Variants in KLHL25 observed in about 807,000 individuals in gnomAD.
KLHL25 encodes the protein kelch like family member 25.
KLHL25 carries 41 observed loss-of-function variants against 30.0 expected under a neutral mutation model. The observed-to-expected ratio is 1.37, with a 90% CI of 1.07 to 1.78. The LOEUF (loss-of-function observed/expected upper bound fraction) is 1.78. Among genes scored for constraint, KLHL25 ranks in the 40% most tolerant of loss-of-function variants. The pLI is 0.00. For missense variants in KLHL25, 971 were observed against 824.5 expected, an observed-to-expected ratio of 1.18 and a Z score of -2.18; for synonymous variants, 399 against 355.3, an observed-to-expected ratio of 1.12 and a Z score of -1.38.
intron 1 of KLHL25, among the ~76,000 whole-genome samples, chr15:85,776,187 G>A (rs11631377): frequency 0.15 from 19,272 of 131,990 alleles, 1,839 homozygotes; most frequent in Middle Eastern, 0.26. Flanking sequence ...AAAAAAAAAA[G>A]AAAGAAAGAA....
Position 85,768,969 on chromosome 15 carries a change from C to T in KLHL25, c.842G>A (p.Gly281Asp), listed in dbSNP as rs1267990945. 6.2e-7 allele frequency: 1 copy of T among 1,613,112 alleles called. No homozygotes were observed. The change falls in exon 2 of 3, where the codon GGC (glycine) becomes GAC (aspartate). Residue 281 changes from glycine to aspartate, a missense_variant. Coordinates refer to ENST00000337975, the MANE Select transcript of KLHL25 (RefSeq NM_022480.4). ...RCKTRILQND[G>D]VVTSPCARPR... ...CCGGGCACAGGGGCTGGTGACCACG[C>T]CATCATTCTGCAGGATCCTGGTCTT...
chr15:85,761,083 A>G (rs1202393090), intron 2 of KLHL25, 72 bp from the exon 3 acceptor site: 1 of 152,300 alleles, frequency 6.6e-6, no homozygotes, highest in African/African-American at 2.4e-5. Flanking sequence ...ATCTGGAACA[A>G]AATGACAATG....
At chr15:85,785,227 G>A (rs1055138936) in intron 1 of KLHL25, among the ~76,000 whole-genome samples, 1 of 151,332 alleles carries the variant, frequency 6.6e-6, no homozygotes, top group African/African-American at 2.4e-5. Flanking sequence ...CTGAGTAGCT[G>A]GAACTACAGG....
intron 1 of KLHL25, among the ~76,000 whole-genome samples, chr15:85,779,937 T>C (rs1047621792): frequency 2.2e-4 from 33 of 152,210 alleles, no homozygotes; most frequent in Non-Finnish European, 8.8e-5. Flanking sequence ...TTGAGATAAA[T>C]CCTTTTGAGA....
At chr15:85,784,831 AC>A (rs1286566419) in intron 1 of KLHL25, among the ~76,000 whole-genome samples, 8 of 152,154 alleles carry the variant, frequency 5.3e-5, no homozygotes, top group Non-Finnish European at 1.2e-4. Context: ...TAAGTAGAGA[AC>A]CCAGTCAGGC....
At chr15:85,794,334 G>C (rs1469311393) in intron 1 of KLHL25, among the ~76,000 whole-genome samples, 2 of 152,222 alleles carry the variant, frequency 1.3e-5, no homozygotes, top group African/African-American at 4.8e-5. Context: ...CAGGCAGGCA[G>C]CCATCCGGCC....
Position 85,789,204 on chromosome 15 carries a change from C to T in KLHL25, c.-11+5562G>A, listed in dbSNP as rs1475870121. 2.6e-5 allele frequency among the ~76,000 whole-genome samples: 4 copies of T among 152,170 alleles called. No homozygotes were observed. The highest frequency in any genetic ancestry group is 7.2e-5 in the African/African-American group (3 of 41,440). On this transcript the variant is annotated intron_variant, in intron 1 of 2. Transcript: ENST00000337975. This position sits in a 1 kb window ranked among gnomAD's most constrained non-coding sequence, Gnocchi z 4.1. ...CCACTCGGCTGATGGTGGAAGGCTCCTCCTGGCAGAGATGGGTGGGGAGTG... is the reference window on the plus strand; with the variant it reads ...CCACTCGGCTGATGGTGGAAGGCTCTTCCTGGCAGAGATGGGTGGGGAGTG...
At chr15:85,794,124 G>A (rs771860485) in intron 1 of KLHL25, among the ~76,000 whole-genome samples, 10 of 152,232 alleles carry the variant, frequency 6.6e-5, no homozygotes, top group South Asian at 2.1e-4. Flanking sequence ...CAGGCTAGAG[G>A]GCTTGCTCTG....
At chr15:85,784,933 G>A (rs915458984) in intron 1 of KLHL25, among the ~76,000 whole-genome samples, 2 of 152,132 alleles carry the variant, frequency 1.3e-5, no homozygotes, top group African/African-American at 4.8e-5. Context: ...TGCTGTAACA[G>A]AAACCAATAT....
intron 1 of KLHL25, among the ~76,000 whole-genome samples, chr15:85,784,781 C>A (rs1454465630): frequency 2.0e-5 from 3 of 152,152 alleles, no homozygotes; most frequent in Non-Finnish European, 4.4e-5. Flanking sequence ...GCCTCAAGAG[C>A]CCAGTACAGC....
At position 85,770,818 on chromosome 15, in the gene KLHL25, C is replaced by A. The variant is rs570409337; in HGVS notation, c.-10-998G>T. Among the ~76,000 whole-genome samples the A allele has an allele frequency of 1.8e-4, 28 of 152,248 alleles. No homozygotes were observed. The East Asian group carries it at 5.2e-3, about 28-fold the overall frequency. ...TTCTCCACCAGGCCTGGGGACCTGG[C>A]GCTCAGAGTGATGGAGTGATGGCCA... On this transcript the variant is annotated intron_variant, in intron 1 of 2. Transcript: ENST00000337975.
intron 1 of KLHL25, among the ~76,000 whole-genome samples, chr15:85,783,771 A>G (rs1041168109): frequency 9.2e-5 from 14 of 152,168 alleles, no homozygotes; most frequent in African/African-American, 3.4e-4. Context: ...ATGGTGTTCC[A>G]TAAATCATAC....
intron 1 of KLHL25, among the ~76,000 whole-genome samples, chr15:85,771,389 C>T (rs929518547): frequency 6.6e-6 from 1 of 152,170 alleles, no homozygotes. Context: ...CTGCCGCCTC[C>T]CACTCCAAGT....
chr15:85,781,613 A>G (rs1597279493), intron 1 of KLHL25, among the ~76,000 whole-genome samples: 1 of 152,192 alleles, frequency 6.6e-6, no homozygotes, highest in Middle Eastern at 3.4e-3. Flanking sequence ...CCTCCCAAGT[A>G]GCTGGGATTA....
intron 2 of KLHL25, among the ~76,000 whole-genome samples, chr15:85,766,392 TC>T (rs2089625958): frequency 6.6e-6 from 1 of 152,174 alleles, no homozygotes; most frequent in Non-Finnish European, 1.5e-5. Flanking sequence ...CCCTGGCCTT[TC>T]CCAGGCCCTA....
At chr15:85,773,339 G>A (rs8038207) in intron 1 of KLHL25, among the ~76,000 whole-genome samples, 11 of 152,074 alleles carry the variant, frequency 7.2e-5, no homozygotes, top group African/African-American at 2.7e-4. Flanking sequence ...CCCAGCCACT[G>A]TCAAGACCCA....
At chr15:85,779,801 A>G (rs2089732286) in intron 1 of KLHL25, among the ~76,000 whole-genome samples, 1 of 152,194 alleles carries the variant, frequency 6.6e-6, no homozygotes, top group Non-Finnish European at 1.5e-5. Context: ...GTGGTTGTCA[A>G]CTGTAAATTG....
intron 2 of KLHL25, chr15:85,764,194 GGA>G (rs1333316929): frequency 6.6e-6 from 1 of 152,304 alleles, no homozygotes; most frequent in Non-Finnish European, 1.5e-5. Flanking sequence ...GCCCTTCTAT[GGA>G]GAGCCCAGCT....
intron 1 of KLHL25, among the ~76,000 whole-genome samples, chr15:85,773,453 T>G (rs2089690014): frequency 6.6e-6 from 1 of 152,114 alleles, no homozygotes; most frequent in South Asian, 2.1e-4. Context: ...CAATGCCGCC[T>G]CCTCCTCGCA....
Sources: allele counts gnomAD v4.1 joint callset (sites outside exome capture counted in the v4.1 genomes callset), GRCh38; gene constraint gnomAD v4.1.1; non-coding constraint Gnocchi (gnomAD v3.1); transcripts MANE v1.5; gene names NCBI Gene and HGNC (gene_info 2026-07-23, HGNC 2026-07-21).